Variants in SLC7A11 observed in about 807,000 individuals in gnomAD.
The protein encoded by SLC7A11 is cystine/glutamate transporter.
In SLC7A11, 35 loss-of-function variants were observed where a neutral mutation model predicts 54.5. The observed-to-expected ratio is 0.64, with a 90% CI of 0.49 to 0.85. The LOEUF (loss-of-function observed/expected upper bound fraction) is 0.85, where lower values mean the gene tolerates loss of function less well. Ranked by LOEUF, SLC7A11 falls within the 40% of genes least tolerant of loss-of-function variation. SLC7A11 has a pLI of 0.00. For missense variants in SLC7A11, 583 were observed against 618.1 expected (o/e 0.94, Z 0.60); for synonymous variants, 230 against 225.2 (o/e 1.02, Z -0.19).
chr4:138,175,038 C>T (rs1309789461), intron 11 of SLC7A11, among the ~76,000 whole-genome samples: 3 of 152,130 alleles, frequency 2.0e-5, no homozygotes, highest in African/African-American at 2.4e-5. Context: ...TTTTCACAAG[C>T]ATGATCTCAT....
In SLC7A11 at chr4:138,166,017, A is replaced by G. The variant is rs912770986; in HGVS notation, c.*5939T>C. On this transcript the variant is annotated 3_prime_UTR_variant, in exon 12 of 12. Coordinates refer to ENST00000280612, the MANE Select transcript of SLC7A11 (RefSeq NM_014331.4). ...ATTCATATACACAGTCATTTAACAT[A>G]GATCGTTTCTAGTCGAGTATGAGCA... 2 of 152,162 alleles carry G rather than the reference A, an allele frequency of 1.3e-5. No individual in the cohort carries two copies. The highest frequency in any genetic ancestry group is 2.4e-5 in the African/African-American group (1 of 41,446). 9.4% of individuals were successfully genotyped at this position (152,162 alleles called of 1,614,324 possible).
intron 4 of SLC7A11, among the ~76,000 whole-genome samples, chr4:138,219,835 T>C (rs1439900411): frequency 1.3e-5 from 2 of 152,180 alleles, no homozygotes; most frequent in Non-Finnish European, 2.9e-5. Context: ...ACAATTTACC[T>C]TTCTGCTTTC....
rs118020134 is a variant in SLC7A11, at chr4:138,189,175, C to T, written c.792-3931G>A. Among the ~76,000 whole-genome samples, 501 of 152,208 alleles carry T rather than the reference C, an allele frequency of 3.3e-3. 5 individuals are homozygous for T. In the East Asian group the frequency reaches 0.046, roughly 14 times the overall value. On this transcript the variant is annotated intron_variant, in intron 6 of 11. Transcript: ENST00000280612. ...AGCATTTTTGTTCCGAGTGATAGGCCTCCCCAGAAATGAAAATGGCCCTAT... is the reference window on the plus strand; with the variant it reads ...AGCATTTTTGTTCCGAGTGATAGGCTTCCCCAGAAATGAAAATGGCCCTAT...
intron 3 of SLC7A11, 46 bp from the exon 4 acceptor site, chr4:138,223,370 A>G: frequency 6.2e-7 from 1 of 1,604,176 alleles, no homozygotes; most frequent in Non-Finnish European, 8.5e-7. Flanking sequence ...TCTCACTGGC[A>G]CAAAGACATT....
chr4:138,214,927 C>A (rs1737644611), intron 5 of SLC7A11, among the ~76,000 whole-genome samples: 1 of 152,128 alleles, frequency 6.6e-6, no homozygotes, highest in Non-Finnish European at 1.5e-5. Context: ...AATACTGGAG[C>A]AAGCACGTGG....
At chr4:138,209,986 TCAAACCA>T (rs1737509091) in intron 6 of SLC7A11, among the ~76,000 whole-genome samples, 1 of 151,936 alleles carries the variant, frequency 6.6e-6, no homozygotes, top group Admixed American at 6.6e-5. Context: ...TTACTTGACC[TCAAACCA>T]TACTATAGGG....
chr4:138,170,230 A>ATATATATATATATAT lies in SLC7A11; in HGVS notation c.*1725_*1726insATATATATATATATA, dbSNP rs1266957020. 9.2e-5 allele frequency: 9 copies of ATATATATATATATAT among 98,272 alleles called. No individual in the cohort carries two copies. The highest frequency in any genetic ancestry group is 1.4e-4 in the Non-Finnish European group (7 of 49,772). The allele number at this position is 98,272 out of a possible 1,614,324, so 6.1% of individuals were successfully genotyped here. On this transcript the variant is annotated 3_prime_UTR_variant, in exon 12 of 12. Coordinates refer to ENST00000280612, the MANE Select transcript of SLC7A11 (RefSeq NM_014331.4). ...CTATATATATATATATATATATATA[A>ATATATATATATATAT]AAAGTGTGTGTGTGTGTGTGTATAT...
chr4:138,232,420 G>T, intron 2 of SLC7A11, 38 bp from the exon 3 acceptor site: 1 of 1,127,416 alleles, frequency 8.9e-7, no homozygotes, highest in Non-Finnish European at 1.3e-6. Flanking sequence ...AACCACAGGG[G>T]AAAAAACTGC....
intron 9 of SLC7A11, among the ~76,000 whole-genome samples, chr4:138,181,382 G>C (rs759189502): frequency 6.6e-6 from 1 of 151,906 alleles, no homozygotes; most frequent in Non-Finnish European, 1.5e-5. Flanking sequence ...AGAATGAAGC[G>C]CAGAGATCAG....
Position 138,171,702 on chromosome 4 carries a change from A to G in SLC7A11, c.*254T>C. The G allele has an allele frequency of 2.4e-6, 1 of 412,676 alleles. No homozygotes were observed. The highest frequency in any genetic ancestry group is 4.2e-6 in the Non-Finnish European group (1 of 235,428). The allele number at this position is 412,676 out of a possible 1,614,324, so 25.6% of individuals were successfully genotyped here. A position where few individuals can be genotyped will look rare whatever the true frequency, so the allele number is the denominator to read the frequency against. ...TTGTCTAGTCTTTTCTCCTAACCCC[A>G]ATAGGTAGGTATCAGAGACTCAAGA... On this transcript the variant is annotated 3_prime_UTR_variant, in exon 12 of 12. Coordinates refer to ENST00000280612, the MANE Select transcript of SLC7A11 (RefSeq NM_014331.4).
In SLC7A11 at chr4:138,236,425, T is replaced by G. The variant is rs1226258838; in HGVS notation, c.304A>C (p.Thr102Pro). 1 of 1,611,584 alleles carries G rather than the reference T, an allele frequency of 6.2e-7. No homozygotes were observed. The highest frequency in any genetic ancestry group is 8.5e-7 in the Non-Finnish European group (1 of 1,179,118). The change falls in exon 2 of 12, where the codon ACA (threonine) becomes CCA (proline). Residue 102 changes from threonine to proline, a missense_variant. By Grantham distance (38) the Thr-to-Pro change is conservative (BLOSUM62 -1). Transcript: ENST00000280612. The part of the protein sequence containing the change: ...FGALSYAELG[T>P]TIKKSGGHYT... ...TGACCTCCAGATTTCTTTATAGTTG[T>G]TCCCAATTCAGCATAAGACAAAGCT...
intron 2 of SLC7A11, among the ~76,000 whole-genome samples, chr4:138,235,654 C>T (rs1180716797): frequency 6.6e-6 from 1 of 152,182 alleles, no homozygotes; most frequent in Non-Finnish European, 1.5e-5. Flanking sequence ...CATATGACAT[C>T]ATAAGCTTCC....
rs190769946 is a variant in SLC7A11 at position 138,240,428 on chromosome 4, G to A, written c.277+1365C>T. On this transcript the variant is annotated intron_variant, in intron 1 of 11. Transcript: ENST00000280612. ...AAAAAATACGAAAAATAAGCCCAAC[G>A]TGGTGGCACACACCTGTAGTCCCAG... Among the ~76,000 whole-genome samples the A allele has an allele frequency of 9.1e-4, 138 of 151,996 alleles. 1 individual carries two copies. Among genetic ancestry groups the A allele is most frequent in the East Asian group, 3.7e-3 (19 of 5,158 alleles).
intron 1 of SLC7A11, among the ~76,000 whole-genome samples, chr4:138,241,188 C>G (rs1738368638): frequency 1.3e-5 from 2 of 152,174 alleles, no homozygotes; most frequent in Non-Finnish European, 2.9e-5. Flanking sequence ...GAAATATGCT[C>G]AGGCCATTGC....
In SLC7A11 at chr4:138,242,141, T is replaced by C; in HGVS notation, c.-72A>G. ...AACTTTCAACTTTGGTGTCTCTTGG[T>C]GTTACTGATCGATGTCTTCCTCTGC... On this transcript the variant is annotated 5_prime_UTR_variant, in exon 1 of 12. Coordinates refer to ENST00000280612, the MANE Select transcript of SLC7A11 (RefSeq NM_014331.4). 6.6e-7 allele frequency: 1 copy of C among 1,517,026 alleles called. No individual in the cohort carries two copies. The allele number at this position is 1,517,026 out of a possible 1,614,324, so 94.0% of individuals were successfully genotyped here. A position where few individuals can be genotyped will look rare whatever the true frequency, so the allele number is the denominator to read the frequency against.
intron 6 of SLC7A11, among the ~76,000 whole-genome samples, chr4:138,213,502 C>G (rs1229514782): frequency 6.6e-6 from 1 of 150,786 alleles, no homozygotes; most frequent in African/African-American, 2.4e-5. Context: ...TCCTAGAAAT[C>G]AGTGTGTGTT....
At chr4:138,194,924 T>A (rs1309726963) in intron 6 of SLC7A11, among the ~76,000 whole-genome samples, 1 of 152,204 alleles carries the variant, frequency 6.6e-6, no homozygotes, top group Non-Finnish European at 1.5e-5. Context: ...AAAACTCAGT[T>A]AAGCCCACTT....
rs567035678 is a variant in SLC7A11 at position 138,185,004 on chromosome 4, T to C, written c.915+117A>G. On this transcript the variant is annotated intron_variant, in intron 7 of 11. Transcript: ENST00000280612. ...AAATTTTTTAAATATTCACTATTAT[T>C]CAGGTCAAGAAAAGATTACTGAATT... 10 of 1,134,472 alleles carry C rather than the reference T, an allele frequency of 8.8e-6. No homozygotes were observed. In the Admixed American group the frequency reaches 1.1e-4, roughly 12 times the overall value. 70.3% of individuals were successfully genotyped at this position (1,134,472 alleles called of 1,614,324 possible). A position where few individuals can be genotyped will look rare whatever the true frequency, so the allele number is the denominator to read the frequency against.
intron 10 of SLC7A11, among the ~76,000 whole-genome samples, 199 bp downstream of exon 10, chr4:138,180,442 T>C (rs1360884576): frequency 1.3e-5 from 2 of 152,046 alleles, no homozygotes; most frequent in Admixed American, 6.6e-5. Flanking sequence ...TTCAAGCCCA[T>C]CACATAAAAA....
Sources: gnomAD v4.1 joint callset for allele counts (sites outside exome capture counted in the v4.1 genomes callset) on GRCh38, gnomAD v4.1.1 for gene constraint, MANE v1.5 for transcripts, NCBI Gene and HGNC (gene_info 2026-07-23, HGNC 2026-07-21) for gene names.